SCN9A: variants seen among roughly 807,000 people sequenced by gnomAD.
SCN9A encodes the protein sodium voltage-gated channel alpha subunit 9.
SCN9A carries 131 observed loss-of-function variants against 187.0 expected under a neutral mutation model. The observed-to-expected ratio is 0.70, with a 90% confidence interval of 0.61 to 0.81. The LOEUF (loss-of-function observed/expected upper bound fraction) is 0.81, where lower values mean the gene tolerates loss of function less well. Among genes scored for constraint, SCN9A ranks in the 30% least tolerant of loss-of-function variants. SCN9A has a pLI of 0.00. For synonymous variants in SCN9A, 809 were observed against 808.6 expected (o/e 1.00, Z -0.01); for missense variants, 2,252 against 2,396.6 (o/e 0.94, Z 1.26).
At chr2:166,350,560 A>G (rs1348987660) in intron 1 of SCN9A, among the ~76,000 whole-genome samples, 1 of 152,236 alleles carries the variant, frequency 6.6e-6, no homozygotes, top group East Asian at 1.9e-4. Flanking sequence ...TTTGTAAATG[A>G]TAATCACTTC....
At chr2:166,276,750 T>G (rs1475917811) in intron 16 of SCN9A, 8 of 266,546 alleles carry the variant, frequency 3.0e-5, no homozygotes, top group Non-Finnish European at 5.5e-5. Context: ...ACCTTTGCCT[T>G]AAAATGAATA....
intron 1 of SCN9A, among the ~76,000 whole-genome samples, chr2:166,346,326 T>C (rs1699900879): frequency 1.3e-5 from 2 of 152,220 alleles, no homozygotes; most frequent in Admixed American, 6.5e-5. Context: ...ATGAAACTTT[T>C]CTTCTCCCTC....
intron 24 of SCN9A, among the ~76,000 whole-genome samples, chr2:166,225,211 A>T (rs1694793744): frequency 6.6e-6 from 1 of 152,074 alleles, no homozygotes; most frequent in Non-Finnish European, 1.5e-5. Context: ...TCATTTGCTC[A>T]TTCATTTCTG....
chr2:166,365,334 A>G (rs376965890), intron 1 of SCN9A, among the ~76,000 whole-genome samples: 2 of 152,186 alleles, frequency 1.3e-5, no homozygotes, highest in African/African-American at 4.8e-5. Flanking sequence ...AGACAAAAAC[A>G]TTATTTTTGT....
intron 12 of SCN9A, among the ~76,000 whole-genome samples, chr2:166,283,891 A>G (rs1340182524): frequency 6.6e-6 from 1 of 152,150 alleles, no homozygotes; most frequent in Non-Finnish European, 1.5e-5. Flanking sequence ...AGCTGAGTAA[A>G]TTGGGGCAAG....
chr2:166,204,866 TA>T (rs1693722220), intron 24 of SCN9A: 1 of 153,046 alleles, frequency 6.5e-6, no homozygotes, highest in African/African-American at 2.4e-5. Context: ...TTAGAACTTT[TA>T]TAAAGAATAG....
chr2:166,314,428 G>A (rs1299737313), intron 1 of SCN9A, among the ~76,000 whole-genome samples: 2 of 152,278 alleles, frequency 1.3e-5, no homozygotes, highest in East Asian at 1.9e-4. Flanking sequence ...AAGGTAAAGA[G>A]TAAGTTATGA....
intron 24 of SCN9A, among the ~76,000 whole-genome samples, chr2:166,225,619 G>A (rs1374271385): frequency 6.6e-6 from 1 of 152,070 alleles, no homozygotes; most frequent in Non-Finnish European, 1.5e-5. Flanking sequence ...GCCCTAAGAA[G>A]GTACATATAA....
rs1365028305 is a variant in SCN9A at position 166,280,496 on chromosome 2, T to G, written c.2204A>C (p.Lys735Thr). ...NCSPYWIKFK[K>T]CIYFIVMDPF... ...ATCCATTACAATAAAATAGATACAC[T>G]TTTTGAATTTTATCCAATATGGAGA... The change falls in exon 14 of 27, where the codon AAG (lysine) becomes ACG (threonine). Residue 735 changes from lysine to threonine, a missense_variant. By Grantham distance (78) the Lys-to-Thr change is moderately conservative. Transcript: ENST00000642356. 6.3e-7 allele frequency: 1 copy of G among 1,587,298 alleles called. No homozygotes were observed.
intron 1 of SCN9A, among the ~76,000 whole-genome samples, chr2:166,357,329 CTT>C (rs1485611625): frequency 6.6e-6 from 1 of 152,190 alleles, no homozygotes; most frequent in Non-Finnish European, 1.5e-5. Flanking sequence ...GCCGAATTCT[CTT>C]TTGTTACCTA....
intron 21 of SCN9A, among the ~76,000 whole-genome samples, chr2:166,231,605 G>C (rs1052924806): frequency 1.5e-5 from 2 of 136,796 alleles, no homozygotes; most frequent in Non-Finnish European, 3.0e-5. Flanking sequence ...AGGCTGGAGT[G>C]CAGTTGCATG....
At chr2:166,347,691 A>C (rs1699934439) in intron 1 of SCN9A, among the ~76,000 whole-genome samples, 1 of 152,212 alleles carries the variant, frequency 6.6e-6, no homozygotes, top group Non-Finnish European at 1.5e-5. Context: ...TAAACACATT[A>C]AGACTTTATA....
At chr2:166,275,208 T>G (rs1183066988) in intron 16 of SCN9A, among the ~76,000 whole-genome samples, 1 of 152,184 alleles carries the variant, frequency 6.6e-6, no homozygotes, top group Non-Finnish European at 1.5e-5. Context: ...ATTTAAATTA[T>G]TTGTGATTAT....
At chr2:166,307,134 A>G (rs919147346) in intron 2 of SCN9A, 60 bp from the exon 3 acceptor site, 4 of 958,256 alleles carry the variant, frequency 4.2e-6, no homozygotes, top group South Asian at 2.8e-5. Context: ...TTTCACATCA[A>G]TATCAGCAGT....
At chr2:166,223,702 T>G (rs1694723888) in intron 24 of SCN9A, among the ~76,000 whole-genome samples, 1 of 152,204 alleles carries the variant, frequency 6.6e-6, no homozygotes, top group Admixed American at 6.5e-5. Flanking sequence ...CTTAAAAATT[T>G]TGTTAAGCAG....
Position 166,266,507 on chromosome 2 carries a change from T to A in SCN9A, c.3351+5892A>T, listed in dbSNP as rs532136845. ...AGTCAGTTAGTGTGAAGCCATCAGC[T>A]TTGTTCTTTTTGTTCCAGGTTACTT... On this transcript the variant is annotated intron_variant, in intron 17 of 26. Coordinates refer to ENST00000642356, the MANE Select transcript of SCN9A (RefSeq NM_001365536.1). 2.0e-5 allele frequency among the ~76,000 whole-genome samples: 3 copies of A among 152,016 alleles called. No homozygotes were observed. The East Asian group carries it at 5.8e-4, about 29-fold the overall frequency.
Position 166,290,251 on chromosome 2 carries a change from CT to C in SCN9A, c.1108-1609del, listed in dbSNP as rs556055342. 2.0e-4 allele frequency among the ~76,000 whole-genome samples: 31 copies of C among 152,158 alleles called. No homozygotes were observed. In the East Asian group the frequency reaches 5.8e-3, roughly 28 times the overall value. On this transcript the variant is annotated intron_variant, in intron 9 of 26. Coordinates refer to ENST00000642356, the MANE Select transcript of SCN9A (RefSeq NM_001365536.1). ...TCCCTGTAAAGGACATGATCTCATT[CT>C]TTTTTAATGGCTGCATAGTATTCCA...
chr2:166,250,893 T>G (rs1190872330), intron 18 of SCN9A, among the ~76,000 whole-genome samples: 1 of 151,974 alleles, frequency 6.6e-6, no homozygotes, highest in African/African-American at 2.4e-5. Flanking sequence ...CAAGGAAAAC[T>G]TTAAGGGTCT....
intron 1 of SCN9A, among the ~76,000 whole-genome samples, chr2:166,340,565 TC>T (rs1699749768): frequency 1.1e-5 from 1 of 88,118 alleles, no homozygotes; most frequent in African/African-American, 7.9e-5. Flanking sequence ...TTTCTTTCTT[TC>T]TTTCTTTCTT....
Sources: allele counts gnomAD v4.1 joint callset (sites outside exome capture counted in the v4.1 genomes callset), GRCh38; gene constraint gnomAD v4.1.1; transcripts MANE v1.5; gene names NCBI Gene and HGNC (gene_info 2026-07-23, HGNC 2026-07-21).